FARP2: variants seen among roughly 807,000 people sequenced by gnomAD.
FARP2 encodes the protein FERM, ARH/RhoGEF and pleckstrin domain protein 2.
In FARP2, 111 loss-of-function variants were observed where a neutral mutation model predicts 130.5. That is an observed-to-expected ratio of 0.85 (90% CI 0.73 to 1.00). FARP2 has a LOEUF of 1.00. Among genes scored for constraint, FARP2 ranks in the 50% least tolerant of loss-of-function variants. The pLI is 0.00. For missense variants in FARP2, 1,385 were observed against 1,346.3 expected (o/e 1.03, Z -0.45); for synonymous variants, 504 against 516.9 (o/e 0.98, Z 0.34).
chr2:241,376,919 T>C (rs1208923295), intron 2 of FARP2, among the ~76,000 whole-genome samples: 5 of 152,232 alleles, frequency 3.3e-5, no homozygotes, highest in Non-Finnish European at 7.3e-5. Flanking sequence ...TTGTATCTAC[T>C]TCTGTGCCTC....
chr2:241,365,118 C>G (rs2061275680), intron 1 of FARP2, among the ~76,000 whole-genome samples: 1 of 152,168 alleles, frequency 6.6e-6, no homozygotes, highest in Non-Finnish European at 1.5e-5. Context: ...GCATGGGTTC[C>G]TTGAATCCTT....
intron 7 of FARP2, among the ~76,000 whole-genome samples, chr2:241,413,940 C>CA (rs746206247): frequency 0.026 from 2,331 of 88,470 alleles, 40 homozygotes; most frequent in African/African-American, 0.064. Flanking sequence ...AACTCCGTCT[C>CA]AAAAAAAAAA....
chr2:241,438,621 GT>G (rs374807842), intron 12 of FARP2, among the ~76,000 whole-genome samples: 31 of 139,790 alleles, frequency 2.2e-4, no homozygotes, highest in East Asian at 4.2e-4. Context: ...AAACTCTCTG[GT>G]TTTTTTTTTT....
intron 1 of FARP2, among the ~76,000 whole-genome samples, chr2:241,366,355 G>C (rs2061320741): frequency 6.6e-6 from 1 of 151,380 alleles, no homozygotes; most frequent in African/African-American, 2.4e-5. Context: ...TAAAACTTCT[G>C]CTTTTCAGTT....
intron 1 of FARP2, chr2:241,372,692 G>C (rs2061450170): frequency 6.5e-6 from 1 of 153,338 alleles, no homozygotes; most frequent in Non-Finnish European, 1.5e-5. Context: ...TAACTGTTTG[G>C]GCTGGTGGCG....
chr2:241,431,809 A>G (rs1373886049), intron 9 of FARP2, 35 bp downstream of exon 9: 1 of 762,300 alleles, frequency 1.3e-6, no homozygotes, highest in Non-Finnish European at 1.9e-6. Flanking sequence ...TTTTTATTTT[A>G]TTTTATTTAT....
intron 19 of FARP2, among the ~76,000 whole-genome samples, chr2:241,477,571 G>A (rs1447458172): frequency 6.6e-6 from 1 of 152,138 alleles, no homozygotes; most frequent in African/African-American, 2.4e-5. Flanking sequence ...AGTTTTGTGT[G>A]GACTTATGTT....
intron 14 of FARP2, among the ~76,000 whole-genome samples, chr2:241,460,561 A>T (rs1337622428): frequency 6.6e-6 from 1 of 152,190 alleles, no homozygotes; most frequent in African/African-American, 2.4e-5. Flanking sequence ...TAGAGTCATG[A>T]GCCACCACAT....
At chr2:241,462,378 A>C (rs2064043503) in intron 14 of FARP2, 145 bp from the exon 15 acceptor site, 2 of 558,758 alleles carry the variant, frequency 3.6e-6, no homozygotes, top group Non-Finnish European at 3.2e-6. Flanking sequence ...CTCAGGGATA[A>C]ATCTCTTCAG....
At chr2:241,486,692 A>G (rs1489157361) in intron 21 of FARP2, among the ~76,000 whole-genome samples, 1 of 152,132 alleles carries the variant, frequency 6.6e-6, no homozygotes, top group African/African-American at 2.4e-5. Context: ...GAGGACTGTA[A>G]CATTGTTGGA....
intron 11 of FARP2, among the ~76,000 whole-genome samples, chr2:241,435,908 A>ATTTTTTTTTTTTTTTTTTT: frequency 9.9e-6 from 1 of 101,000 alleles, no homozygotes; most frequent in Non-Finnish European, 2.0e-5. Flanking sequence ...AGTATAGTAA[A>ATTTTTTTTTTTTTTTTTTT]TTTTTTTTTT....
chr2:241,462,541 G>T lies in FARP2; in HGVS notation c.1606G>T (p.Ala536Ser), dbSNP rs1200752758. 9 of 1,613,840 alleles carry T rather than the reference G, an allele frequency of 5.6e-6. No individual in the cohort carries two copies. In the South Asian group the frequency reaches 9.9e-5, roughly 18 times the overall value. The change falls in exon 15 of 27, where the codon GCC (alanine) becomes TCC (serine). Residue 536 changes from alanine (A) to serine (S), a missense_variant. Coordinates refer to ENST00000264042, the MANE Select transcript of FARP2 (RefSeq NM_014808.4). ...PRHKRVPADE[A>S]YFIVKEILAT... is the part of the protein sequence containing the mutation. The stretch of plus-strand genomic sequence containing the variant: ...CTTTCAGCGCGTGCCTGCAGACGAG[G>T]CCTACTTCATAGTCAAAGAGATTCT...
At chr2:241,453,621 CA>C (rs555902009) in intron 13 of FARP2, among the ~76,000 whole-genome samples, 191 of 129,030 alleles carry the variant, frequency 1.5e-3, no homozygotes, top group Admixed American at 2.2e-3. Flanking sequence ...GACTCTGTCT[CA>C]AAAAAAAAAA....
At chr2:241,404,240 AT>A (rs2062271610) in intron 3 of FARP2, among the ~76,000 whole-genome samples, 1 of 152,196 alleles carries the variant, frequency 6.6e-6, no homozygotes, top group Non-Finnish European at 1.5e-5. Context: ...GTTATGCCTC[AT>A]TTTACTTAAT....
chr2:241,359,119 AT>A (rs2061127832), intron 1 of FARP2, among the ~76,000 whole-genome samples: 2 of 152,328 alleles, frequency 1.3e-5, no homozygotes, highest in Admixed American at 6.5e-5. Flanking sequence ...AAAAGTTGAA[AT>A]GGTGTGTACA....
chr2:241,407,660 T>C, intron 5 of FARP2, 45 bp downstream of exon 5: 1 of 1,424,264 alleles, frequency 7.0e-7, no homozygotes, highest in Middle Eastern at 1.7e-4. Context: ...AGGAATCTTG[T>C]ATTCACCTGT....
intron 8 of FARP2, among the ~76,000 whole-genome samples, chr2:241,420,083 C>T (rs762848215): frequency 6.6e-5 from 10 of 152,208 alleles, no homozygotes; most frequent in South Asian, 4.2e-4. Context: ...CCCAGGAGGT[C>T]GAGGCTACAG....
chr2:241,373,394 C>A (rs2061465509), intron 2 of FARP2, 104 bp downstream of exon 2: 3 of 701,600 alleles, frequency 4.3e-6, no homozygotes, highest in Admixed American at 4.3e-5. Flanking sequence ...TTAAGTTGAT[C>A]AAGAGTAGCT....
chr2:241,403,891 G>C lies in FARP2; in HGVS notation c.247G>C (p.Asp83His). 1 of 1,613,662 alleles carries C rather than the reference G, an allele frequency of 6.2e-7. No homozygotes were observed. The highest frequency in any genetic ancestry group is 2.2e-5 in the East Asian group (1 of 44,880). ...VWKRLNLVEC[D>H]YFGMEFQNTQ... is the part of the protein sequence containing the mutation. The stretch of plus-strand genomic sequence containing the variant: ...GAAGCGTTTAAACCTGGTAGAATGT[G>C]ACTACTTCGGGATGGAGTTTCAAAA... Residue 83 changes from aspartate to histidine, a missense_variant, in exon 3 of 27, where the codon GAC becomes CAC. Asp to His is a moderately conservative substitution (Grantham distance 81). Coordinates refer to ENST00000264042, the MANE Select transcript of FARP2 (RefSeq NM_014808.4).
Sources: allele counts gnomAD v4.1 joint callset (sites outside exome capture counted in the v4.1 genomes callset), GRCh38; gene constraint gnomAD v4.1.1; transcripts MANE v1.5; gene names NCBI Gene and HGNC (gene_info 2026-07-23, HGNC 2026-07-21).